The following MID2 variants were observed in gnomAD, a reference collection of about 807,000 sequenced individuals.
The protein encoded by MID2 is midline 2.
MID2 carries 13 observed loss-of-function variants against 46.1 expected under a neutral mutation model. The ratio of observed to expected loss-of-function variants is 0.28; its 90% confidence interval spans 0.18 to 0.45. The LOEUF is 0.45. Among genes scored for constraint, MID2 ranks in the 20% least tolerant of loss-of-function variants. The pLI, the probability that MID2 is intolerant of heterozygous loss-of-function variation, is 1.00. For synonymous variants in MID2, 199 were observed against 212.3 expected, an observed-to-expected ratio of 0.94 and a Z score of 0.55; for missense variants, 431 against 575.4, an observed-to-expected ratio of 0.75 and a Z score of 2.57.
chrX:107,928,700 T>C lies in MID2; in HGVS notation c.*1627T>C, dbSNP rs1449730905. Among the ~76,000 whole-genome samples, 2 of 111,712 alleles carry C rather than the reference T, an allele frequency of 1.8e-5. No individual in the cohort carries two copies. The highest frequency in any genetic ancestry group is 6.5e-5 in the African/African-American group (2 of 30,731). On this transcript the variant is annotated 3_prime_UTR_variant, in exon 10 of 10. Transcript: ENST00000262843. ...GAGTGCACATATTAACAAAATGCTC[T>C]ACCTGCTGCCAAATGGCTTACTATT...
chrX:107,856,990 G>T (rs1931751251), intron 3 of MID2, among the ~76,000 whole-genome samples: 1 of 112,095 alleles, frequency 8.9e-6, no homozygotes, highest in Non-Finnish European at 1.9e-5. Context: ...AACAGCATAG[G>T]CACAGTATCT....
chrX:107,926,947 G>T lies in MID2; in HGVS notation c.2082G>T (p.Trp694Cys). Reference protein sequence around the residue: ...ILPVCPTFTIWNKSLMILSGL... With the variant: ...ILPVCPTFTICNKSLMILSGL... ...CAGTTTGTCCAACATTTACAATCTG[G>T]AACAAATCCCTAATGATCCTGTCTG... The change falls in exon 10 of 10, where the codon TGG (tryptophan) becomes TGT (cysteine). Residue 694 changes from tryptophan (W) to cysteine (C), a missense_variant. By Grantham distance (215) the Trp-to-Cys change is radical (BLOSUM62 -2). Transcript: ENST00000262843. 8.3e-7 allele frequency: 1 copy of T among 1,211,151 alleles called. No homozygotes were observed. Among genetic ancestry groups the T allele is most frequent in the East Asian group, 3.0e-5 (1 of 33,832 alleles).
rs184019386 is a variant in MID2, at chrX:107,901,930, C to T, written c.817-2028C>T. Among the ~76,000 whole-genome samples the T allele has an allele frequency of 2.0e-4, 22 of 111,701 alleles. 1 individual carries two copies. The South Asian group carries it at 2.7e-3, about 13-fold the overall frequency. On this transcript the variant is annotated intron_variant, in intron 3 of 9. Transcript: ENST00000262843. The stretch of plus-strand genomic sequence containing the variant: ...GGAGTCTGAAGTGACTAATGAGAAA[C>T]GGATGACAGAATAAAGATGGATGAT...
chrX:107,853,175 A>G (rs760185912), intron 2 of MID2, among the ~76,000 whole-genome samples: 1 of 112,056 alleles, frequency 8.9e-6, no homozygotes, highest in Non-Finnish European at 1.9e-5. Context: ...AACTGAAAAC[A>G]TGCTAGAATT....
intron 1 of MID2, among the ~76,000 whole-genome samples, chrX:107,833,176 C>T (rs977871856): frequency 3.1e-4 from 34 of 111,012 alleles, no homozygotes; most frequent in African/African-American, 1.1e-3. Flanking sequence ...TCCAAGCTGT[C>T]TTTTTATGTG....
chrX:107,833,430 T>TATA (rs1491410958), intron 1 of MID2, among the ~76,000 whole-genome samples: 1 of 101,191 alleles, frequency 9.9e-6, no homozygotes, highest in African/African-American at 4.1e-5. Context: ...TATATATATA[T>TATA]TTTTTTTAAA....
intron 1 of MID2, among the ~76,000 whole-genome samples, chrX:107,829,862 T>C (rs1931054066): frequency 8.9e-6 from 1 of 112,132 alleles, no homozygotes; most frequent in African/African-American, 3.2e-5. Flanking sequence ...TAAATCAGAG[T>C]GACTTGATTG....
chrX:107,844,249 G>A (rs1301131572), intron 2 of MID2, among the ~76,000 whole-genome samples: 3 of 111,564 alleles, frequency 2.7e-5, no homozygotes, highest in Non-Finnish European at 5.6e-5. Context: ...AGGGCTTGGG[G>A]TACTTAGTTT....
At chrX:107,837,207 A>G (rs1031579631) in intron 1 of MID2, among the ~76,000 whole-genome samples, 1 of 112,375 alleles carries the variant, frequency 8.9e-6, no homozygotes, top group Non-Finnish European at 1.9e-5. Context: ...AACAAAATTT[A>G]AGAGCTTTTC....
chrX:107,835,654 A>G (rs1931184032), intron 1 of MID2, among the ~76,000 whole-genome samples: 1 of 110,882 alleles, frequency 9.0e-6, no homozygotes, highest in South Asian at 3.7e-4. Context: ...CCATTTGTAT[A>G]TCTTTGGAAA....
chrX:107,826,572 T>C, intron 1 of MID2, 142 bp downstream of exon 1: 1 of 761,679 alleles, frequency 1.3e-6, no homozygotes, highest in East Asian at 4.5e-5. Flanking sequence ...GGCAGGGTGA[T>C]GGGGCCCGCG....
At position 107,826,265 on chromosome X, in the gene MID2, G is replaced by A; in HGVS notation, c.-162G>A. On this transcript the variant is annotated 5_prime_UTR_variant, in exon 1 of 10. Coordinates refer to ENST00000262843, the MANE Select transcript of MID2 (RefSeq NM_012216.4). ...CTGCGCGGCGTCGGCGACGGTAGCG[G>A]CAGCGGCGGCGAAGGCGGGCGGCGG... 1 of 482,789 alleles carries A rather than the reference G, an allele frequency of 2.1e-6. No individual in the cohort carries two copies. Among genetic ancestry groups the A allele is most frequent in the Non-Finnish European group, 2.9e-6 (1 of 347,653 alleles). The allele number at this position is 482,789 out of a possible 1,213,427, so 39.8% of individuals were successfully genotyped here.
intron 3 of MID2, among the ~76,000 whole-genome samples, chrX:107,881,479 C>T (rs1394129203): frequency 8.9e-6 from 1 of 112,244 alleles, no homozygotes; most frequent in African/African-American, 3.2e-5. Flanking sequence ...TTGTTCTGCC[C>T]AGTGATGACC....
chrX:107,902,849 G>A (rs1932805743), intron 3 of MID2, among the ~76,000 whole-genome samples: 1 of 111,254 alleles, frequency 9.0e-6, no homozygotes, highest in African/African-American at 3.3e-5. Flanking sequence ...AGCTCTGCTC[G>A]AGTGATCCTT....
chrX:107,890,491 A>G (rs961488473), intron 3 of MID2, among the ~76,000 whole-genome samples: 1 of 111,625 alleles, frequency 9.0e-6, no homozygotes, highest in Non-Finnish European at 1.9e-5. Flanking sequence ...TTTGTCTCAG[A>G]GGAGTACCCG....
At position 107,916,140 on chromosome X, in the gene MID2, A is replaced by G; in HGVS notation, c.1201+11A>G. ...TAGATTATTTAACAGGTGTGAAAAT[A>G]CTGTGCTTTCCTTTCCATTTAATTT... is the stretch of plus-strand genomic sequence containing the variant. On this transcript the variant is annotated intron_variant, in intron 6 of 9. Coordinates refer to ENST00000262843, the MANE Select transcript of MID2 (RefSeq NM_012216.4). 8.7e-7 allele frequency: 1 copy of G among 1,145,094 alleles called. No homozygotes were observed. 94.4% of individuals were successfully genotyped at this position (1,145,094 alleles called of 1,213,427 possible).
intron 1 of MID2, among the ~76,000 whole-genome samples, chrX:107,839,520 C>T (rs1018976966): frequency 4.5e-5 from 5 of 110,070 alleles, no homozygotes; most frequent in African/African-American, 1.3e-4. Flanking sequence ...CACAGGCAAG[C>T]GCCACCACGC....
chrX:107,912,584 A>C (rs762556903), intron 5 of MID2, among the ~76,000 whole-genome samples: 1 of 111,236 alleles, frequency 9.0e-6, no homozygotes, highest in African/African-American at 3.3e-5. Flanking sequence ...CTTTGTGAGC[A>C]ATGTTTCCTT....
chrX:107,878,887 A>T (rs371113849), intron 3 of MID2, among the ~76,000 whole-genome samples: 60 of 112,248 alleles, frequency 5.3e-4, no homozygotes, highest in African/African-American at 1.5e-3. Flanking sequence ...TGGAGCAGGA[A>T]ATTTCCCTGA....
Sources: gnomAD v4.1 joint callset for allele counts (sites outside exome capture counted in the v4.1 genomes callset) on GRCh38, gnomAD v4.1.1 for gene constraint, MANE v1.5 for transcripts, NCBI Gene and HGNC (gene_info 2026-07-23, HGNC 2026-07-21) for gene names.